DDX60: variants seen among roughly 807,000 people sequenced by gnomAD.
The protein encoded by DDX60 is DExD/H-box helicase 60.
DDX60 carries 165 observed loss-of-function variants against 212.8 expected under a neutral mutation model. The observed-to-expected ratio is 0.78, with a 90% CI of 0.68 to 0.88. The LOEUF (loss-of-function observed/expected upper bound fraction) is 0.88, where lower values mean the gene tolerates loss of function less well. DDX60 is among the 40% of genes least tolerant of loss of function. The probability of loss-of-function intolerance (pLI) is 0.00; values close to 1 mark genes in which losing one functional copy is unlikely to be tolerated. For synonymous variants in DDX60, 703 were observed against 685.3 expected (o/e 1.03, Z -0.40); for missense variants, 1,905 against 2,003.9 (o/e 0.95, Z 0.94).
chr4:168,241,536 C>T (rs969728591), intron 30 of DDX60, among the ~76,000 whole-genome samples: 7 of 152,048 alleles, frequency 4.6e-5, no homozygotes, highest in East Asian at 3.9e-4. Context: ...AGGTGACTTT[C>T]GTTATGTTTT....
At chr4:168,320,127 T>A (rs1737567678), upstream of DDX60, among the ~76,000 whole-genome samples, 1 of 152,166 alleles carries the variant, frequency 6.6e-6, no homozygotes, top group South Asian at 2.1e-4. Context: ...GTAGGCTGAA[T>A]AATACCCTGC....
intron 35 of DDX60, among the ~76,000 whole-genome samples, chr4:168,223,995 A>C (rs976760784): frequency 2.0e-5 from 3 of 152,022 alleles, no homozygotes; most frequent in African/African-American, 7.2e-5. Context: ...ATATCAGTAG[A>C]GCCTTCAAAG....
intron 30 of DDX60, among the ~76,000 whole-genome samples, chr4:168,238,324 G>A (rs1733706065): frequency 7.8e-6 from 1 of 128,884 alleles, no homozygotes; most frequent in African/African-American, 3.0e-5. Flanking sequence ...AACCTAGAAA[G>A]AATCTCTACT....
At position 168,220,693 on chromosome 4, in the gene DDX60, A is replaced by T. The variant is rs753581144; in HGVS notation, c.5001T>A (p.Tyr1667Ter). Residue 1667 changes from tyrosine (Y) to a stop codon, truncating the protein, a stop_gained, in exon 37 of 38, where the codon TAT becomes TAA. Transcript: ENST00000393743. LOFTEE classifies it high-confidence loss of function. ...TGGTGAGTGCAAAATCCTTCAACAA[A>T]TAATAAGCATCTCCTTCATTCATCC... ...DNRMNEGDAY[Y>*]LLKDFALTIK... 1 of 1,449,924 alleles carries T rather than the reference A, an allele frequency of 6.9e-7. No individual in the cohort carries two copies. The highest frequency in any genetic ancestry group is 1.6e-5 in the South Asian group (1 of 61,816). 89.8% of individuals were successfully genotyped at this position (1,449,924 alleles called of 1,614,324 possible). A position where few individuals can be genotyped will look rare whatever the true frequency, so the allele number is the denominator to read the frequency against.
chr4:168,217,697 G>A (rs1364227861), intron 37 of DDX60, among the ~76,000 whole-genome samples: 8 of 152,148 alleles, frequency 5.3e-5, no homozygotes, highest in African/African-American at 1.9e-4. Context: ...GTGGAAGAGT[G>A]AGGCAGGAGA....
upstream of DDX60, among the ~76,000 whole-genome samples, chr4:168,321,931 AAAC>A (rs1737617175): frequency 6.6e-6 from 1 of 152,156 alleles, no homozygotes; most frequent in Admixed American, 6.5e-5. Flanking sequence ...TTCCATTTTC[AAAC>A]AATAAGAAAA....
chr4:168,222,455 A>AT (rs200649184), intron 35 of DDX60, among the ~76,000 whole-genome samples: 5,444 of 151,406 alleles, frequency 0.036, 133 homozygotes, highest in Non-Finnish European at 0.054. Flanking sequence ...TGGCACAGCT[A>AT]TTTTTTTTTG....
chr4:168,277,714 G>A (rs1401953601), intron 14 of DDX60, among the ~76,000 whole-genome samples: 4 of 150,882 alleles, frequency 2.7e-5, no homozygotes. Context: ...GAGGCTGAGG[G>A]AGGAGAATGG....
intron 30 of DDX60, 115 bp from the exon 31 acceptor site, chr4:168,237,910 A>C (rs1733687475): frequency 1.4e-6 from 1 of 717,806 alleles, no homozygotes; most frequent in Admixed American, 3.7e-5. Flanking sequence ...TCAGAAATGT[A>C]TCAGAAAAAA....
chr4:168,271,316 A>G lies in DDX60; in HGVS notation c.2670+727T>C, dbSNP rs1735087930. Among the ~76,000 whole-genome samples, 4 of 152,336 alleles carry G rather than the reference A, an allele frequency of 2.6e-5. No individual in the cohort carries two copies. The South Asian group carries it at 8.3e-4, about 32-fold the overall frequency. Reference sequence around the variant, plus strand: ...GCTGACCCATAGACACTTCGTCAAAAGGACTCTTATGATTTCTGGTTCCAC... The same window carrying G: ...GCTGACCCATAGACACTTCGTCAAAGGGACTCTTATGATTTCTGGTTCCAC... On this transcript the variant is annotated intron_variant, in intron 19 of 37. Transcript: ENST00000393743.
intron 30 of DDX60, among the ~76,000 whole-genome samples, chr4:168,241,674 G>A (rs79786133): frequency 1.3e-5 from 2 of 152,156 alleles, no homozygotes. Context: ...GGTGCCATGG[G>A]TGCTGTTAAA....
At chr4:168,322,243 C>T (rs567624343), upstream of DDX60, among the ~76,000 whole-genome samples, 1 of 152,316 alleles carries the variant, frequency 6.6e-6, no homozygotes, top group East Asian at 1.9e-4. Flanking sequence ...CAATCTTCTC[C>T]TTCAAATCAA....
At chr4:168,283,907 A>T (rs1735705578) in intron 12 of DDX60, among the ~76,000 whole-genome samples, 1 of 152,148 alleles carries the variant, frequency 6.6e-6, no homozygotes, top group Non-Finnish European at 1.5e-5. Context: ...TTTAAGAAGA[A>T]GGTAGAGGCA....
chr4:168,303,609 T>C (rs1397805413), intron 5 of DDX60, among the ~76,000 whole-genome samples: 1 of 152,198 alleles, frequency 6.6e-6, no homozygotes, highest in Non-Finnish European at 1.5e-5. Context: ...CATAGTGATG[T>C]CATAACACCA....
intron 13 of DDX60, among the ~76,000 whole-genome samples, chr4:168,282,324 T>C (rs1735629384): frequency 6.6e-6 from 1 of 152,202 alleles, no homozygotes; most frequent in South Asian, 2.1e-4. Flanking sequence ...ACTTTTTTGA[T>C]AAGTCCTTGA....
At chr4:168,265,561 G>T (rs767186847) in intron 22 of DDX60, 1 of 152,110 alleles carries the variant, frequency 6.6e-6, no homozygotes, top group Non-Finnish European at 1.5e-5. Context: ...GTCATCTGGG[G>T]TCACAGCACA....
At chr4:168,297,298 G>A (rs1161486845) in intron 6 of DDX60, among the ~76,000 whole-genome samples, 9 of 4,056 alleles carry the variant, frequency 2.2e-3, no homozygotes, top group African/African-American at 0.01. Context: ...AGAGAGAGAC[G>A]AAAGAAAGAA....
At position 168,279,156 on chromosome 4, in the gene DDX60, G is replaced by C. The variant is rs543134004; in HGVS notation, c.1978+1179C>G. On this transcript the variant is annotated intron_variant, in intron 14 of 37. Coordinates refer to ENST00000393743, the MANE Select transcript of DDX60 (RefSeq NM_017631.6). The stretch of plus-strand genomic sequence containing the variant: ...AAGACATACACTCTCAAAAACAAAA[G>C]CAAAAATTATCTTCTTGTGTTCTGG... 5.3e-5 allele frequency among the ~76,000 whole-genome samples: 8 copies of C among 152,208 alleles called. No individual in the cohort carries two copies. In the South Asian group the frequency reaches 1.2e-3, roughly 24 times the overall value.
At chr4:168,325,176 TA>T in the DDX60 span, among the ~76,000 whole-genome samples, 2 of 152,210 alleles carry the variant, frequency 1.3e-5, no homozygotes, top group African/African-American at 4.8e-5. Flanking sequence ...ACACGGCAAA[TA>T]GGGCTGTTAC....
Sources: gnomAD v4.1 joint callset for allele counts (sites outside exome capture counted in the v4.1 genomes callset) on GRCh38, gnomAD v4.1.1 for gene constraint, MANE v1.5 for transcripts, NCBI Gene and HGNC (gene_info 2026-07-23, HGNC 2026-07-21) for gene names.